RASGRF2: variants seen among roughly 807,000 people sequenced by gnomAD.
The protein encoded by RASGRF2 is Ras protein specific guanine nucleotide releasing factor 2.
In RASGRF2, 76 loss-of-function variants were observed where a neutral mutation model predicts 151.0. That is an observed-to-expected ratio of 0.50 (90% CI 0.42 to 0.61). The LOEUF is 0.61. Ranked by LOEUF, RASGRF2 falls within the 20% of genes least tolerant of loss-of-function variation. RASGRF2 has a pLI of 0.00. For missense variants in RASGRF2, 1,148 were observed against 1,564.6 expected (o/e 0.73, Z 4.49); for synonymous variants, 504 against 566.5 (o/e 0.89, Z 1.57).
intron 22 of RASGRF2, among the ~76,000 whole-genome samples, chr5:81,209,693 G>A (rs1755589085): frequency 6.6e-6 from 1 of 152,172 alleles, no homozygotes. Context: ...TCTGTTACCT[G>A]TGGTGAACCA....
At chr5:81,167,439 A>G (rs1294527308) in intron 17 of RASGRF2, among the ~76,000 whole-genome samples, 1 of 152,260 alleles carries the variant, frequency 6.6e-6, no homozygotes, top group East Asian at 1.9e-4. Context: ...AAAATTTGCA[A>G]TCATCAATCA....
chr5:80,969,123 C>CT lies in RASGRF2; in HGVS notation c.288+8122dup, dbSNP rs551407326. On this transcript the variant is annotated intron_variant, in intron 1 of 26. Coordinates refer to ENST00000265080, the MANE Select transcript of RASGRF2 (RefSeq NM_006909.3). Reference sequence around the variant, plus strand: ...CCAGCTCCTCCAGCTGTGCAGGACTCTTTTTTTTTTTTTTTTTTTTTTTTT... The same window carrying CT: ...CCAGCTCCTCCAGCTGTGCAGGACTCTTTTTTTTTTTTTTTTTTTTTTTTTT... 3.5e-3 allele frequency among the ~76,000 whole-genome samples: 323 copies of CT among 93,314 alleles called. 2 individuals carry two copies. The highest frequency in any genetic ancestry group is 6.7e-3 in the African/African-American group (144 of 21,382). 61.2% of individuals were successfully genotyped at this position (93,314 alleles called of 152,430 possible).
At chr5:81,217,571 C>CTTAT in intron 25 of RASGRF2, 98 bp downstream of exon 25, 9 of 360,614 alleles carry the variant, frequency 2.5e-5, no homozygotes, top group Non-Finnish European at 3.2e-5. Context: ...TTTTTTTTCT[C>CTTAT]TTCTTTTTTT....
chr5:81,044,399 G>A (rs896093633), intron 2 of RASGRF2, among the ~76,000 whole-genome samples: 1 of 151,986 alleles, frequency 6.6e-6, no homozygotes, highest in African/African-American at 2.4e-5. Flanking sequence ...GTCTTGGGGA[G>A]AGAGCAAGAC....
chr5:81,071,313 T>C (rs1751767151), intron 4 of RASGRF2, among the ~76,000 whole-genome samples: 1 of 152,242 alleles, frequency 6.6e-6, no homozygotes, highest in Admixed American at 6.5e-5. Flanking sequence ...GCTAATAATC[T>C]TTCCCCTTTC....
At chr5:81,118,031 C>G (rs1232239713) in intron 15 of RASGRF2, among the ~76,000 whole-genome samples, 1 of 152,198 alleles carries the variant, frequency 6.6e-6, no homozygotes, top group Non-Finnish European at 1.5e-5. Flanking sequence ...TTTCTGGGCT[C>G]AGCCCACATT....
rs1426882701 is a variant in RASGRF2, at chr5:80,961,036, G to A, written c.288+10G>A. ...CGCGCTGGACAAGCAGGTACCGCGC[G>A]CCTTCTCTCCGCGGTCTCCCAGCCT... is the stretch of plus-strand genomic sequence containing the variant. On this transcript the variant is annotated intron_variant, in intron 1 of 26. Coordinates refer to ENST00000265080, the MANE Select transcript of RASGRF2 (RefSeq NM_006909.3). 9.7e-6 allele frequency: 14 copies of A among 1,449,098 alleles called. No homozygotes were observed. Among genetic ancestry groups the A allele is most frequent in the Non-Finnish European group, 1.2e-5 (13 of 1,095,668 alleles). 89.8% of individuals were successfully genotyped at this position (1,449,098 alleles called of 1,614,324 possible).
chr5:81,087,260 C>G (rs78031355), intron 9 of RASGRF2: 1 of 703,080 alleles, frequency 1.4e-6, no homozygotes, highest in Non-Finnish European at 2.6e-6. Flanking sequence ...GCCTGGCCCA[C>G]GGCCGTGGCA....
rs564131223 is a variant in RASGRF2 at position 80,973,643 on chromosome 5, A to G, written c.288+12617A>G. Among the ~76,000 whole-genome samples the G allele has an allele frequency of 7.2e-5, 11 of 152,336 alleles. 1 individual carries two copies. The South Asian group carries it at 2.1e-3, about 29-fold the overall frequency. Reference sequence around the variant, plus strand: ...AAAGAAAAATGCATCATGGGCAGCAATGGTCAGGACGGTATCCTGAATTTT... The same window carrying G: ...AAAGAAAAATGCATCATGGGCAGCAGTGGTCAGGACGGTATCCTGAATTTT... On this transcript the variant is annotated intron_variant, in intron 1 of 26. Coordinates refer to ENST00000265080, the MANE Select transcript of RASGRF2 (RefSeq NM_006909.3).
chr5:80,973,625 AATGCATC>A (rs1748011784), intron 1 of RASGRF2, among the ~76,000 whole-genome samples: 1 of 152,282 alleles, frequency 6.6e-6, no homozygotes, highest in African/African-American at 2.4e-5. Flanking sequence ...GGGAAAGAAA[AATGCATC>A]ATGGGCAGCA....
At chr5:81,219,141 T>A (rs2112747536) in intron 25 of RASGRF2, among the ~76,000 whole-genome samples, 1 of 151,362 alleles carries the variant, frequency 6.6e-6, no homozygotes, top group East Asian at 1.9e-4. Flanking sequence ...GCCAGTGACA[T>A]GATCTCGGCT....
At chr5:81,127,219 C>A in intron 17 of RASGRF2, 56 bp downstream of exon 17, 1 of 1,521,616 alleles carries the variant, frequency 6.6e-7, no homozygotes, top group Non-Finnish European at 9.1e-7. Context: ...AAGTCAGTGG[C>A]CCGTGTCTGC....
chr5:81,144,543 A>G (rs1360506292), intron 17 of RASGRF2, among the ~76,000 whole-genome samples: 1 of 152,208 alleles, frequency 6.6e-6, no homozygotes, highest in African/African-American at 2.4e-5. Flanking sequence ...GGTCATTTTT[A>G]TAGAGGTGAA....
intron 2 of RASGRF2, among the ~76,000 whole-genome samples, chr5:81,053,833 T>G (rs1751103903): frequency 6.6e-6 from 1 of 152,254 alleles, no homozygotes; most frequent in East Asian, 1.9e-4. Flanking sequence ...TGGTGTGAGA[T>G]GGTATCTCAT....
intron 2 of RASGRF2, among the ~76,000 whole-genome samples, chr5:81,053,031 T>C (rs1751064308): frequency 6.6e-6 from 1 of 152,180 alleles, no homozygotes; most frequent in Non-Finnish European, 1.5e-5. Flanking sequence ...GACTTTTACA[T>C]TAAACAAATA....
At chr5:81,045,637 C>T (rs579492) in intron 2 of RASGRF2, among the ~76,000 whole-genome samples, 55,737 of 151,786 alleles carry the variant, frequency 0.37, 10,509 homozygotes, top group Middle Eastern at 0.61. Flanking sequence ...CTTTTTGGTC[C>T]ATTAGGTTTG....
chr5:81,211,645 G>A (rs1755633338), intron 22 of RASGRF2, among the ~76,000 whole-genome samples: 1 of 152,204 alleles, frequency 6.6e-6, no homozygotes, highest in Admixed American at 6.5e-5. Context: ...GAATCCATCA[G>A]ACTTGGTGTA....
intron 15 of RASGRF2, among the ~76,000 whole-genome samples, chr5:81,114,460 A>G (rs1753094323): frequency 6.6e-6 from 1 of 152,244 alleles, no homozygotes; most frequent in Non-Finnish European, 1.5e-5. Flanking sequence ...AGAGAAACCA[A>G]ATTGGAGACA....
chr5:81,196,903 A>G (rs565599326), intron 18 of RASGRF2, among the ~76,000 whole-genome samples: 27 of 152,360 alleles, frequency 1.8e-4, no homozygotes, highest in South Asian at 6.2e-4. Context: ...TGAGAGCATT[A>G]ACCGTTTACA....
Sources: allele counts gnomAD v4.1 joint callset (sites outside exome capture counted in the v4.1 genomes callset), GRCh38; gene constraint gnomAD v4.1.1; transcripts MANE v1.5; gene names NCBI Gene and HGNC (gene_info 2026-07-23, HGNC 2026-07-21).